Variants in FIRRM observed in about 807,000 individuals in gnomAD.
FIRRM encodes the protein FIGNL1-interacting regulator of recombination and mitosis.
At chr1:169,789,890 T>TAC in the FIRRM span, among the ~76,000 whole-genome samples, 1 of 152,210 alleles carries the variant, frequency 6.6e-6, no homozygotes, top group Non-Finnish European at 1.5e-5. Context: ...AATTTCCACT[T>TAC]ATACATAGGA....
At chr1:169,837,087 G>A in the FIRRM span, 2,911 of 1,587,474 alleles carry the variant, frequency 1.8e-3, 5 homozygotes, top group Non-Finnish European at 2.2e-3. Context: ...AGCAGGAGTC[G>A]TACTTTGGGA....
the FIRRM span, chr1:169,842,577 A>G: frequency 6.3e-7 from 1 of 1,598,106 alleles, no homozygotes; most frequent in Non-Finnish European, 8.5e-7. Flanking sequence ...ATCAAAAAAT[A>G]GAAAATATCA....
At chr1:169,829,427 A>T in the FIRRM span, 1 of 1,612,326 alleles carries the variant, frequency 6.2e-7, no homozygotes, top group South Asian at 1.1e-5. Context: ...ACTTCCTTTC[A>T]TCCCTCACTG....
the FIRRM span, among the ~76,000 whole-genome samples, chr1:169,833,016 T>C: frequency 6.6e-6 from 1 of 152,202 alleles, no homozygotes; most frequent in African/African-American, 2.4e-5. Context: ...CTTTGAGTTA[T>C]AGATAATTAT....
At chr1:169,830,999 A>T in the FIRRM span, among the ~76,000 whole-genome samples, 1 of 152,214 alleles carries the variant, frequency 6.6e-6, no homozygotes, top group Admixed American at 6.5e-5. Context: ...GGAAGGAAAG[A>T]CTGGGTTAAT....
chr1:169,797,785 G>A, the FIRRM span, among the ~76,000 whole-genome samples: 11 of 151,860 alleles, frequency 7.2e-5, no homozygotes, highest in Admixed American at 1.3e-4. Context: ...CTCGTGATCC[G>A]CCTGCCTCAG....
chr1:169,832,414 C>T, the FIRRM span: 11 of 1,604,036 alleles, frequency 6.9e-6, no homozygotes, highest in South Asian at 1.2e-4. Context: ...TGTCTTTTTC[C>T]AGATAAAGTC....
chr1:169,794,510 C>T, the FIRRM span: 2 of 153,934 alleles, frequency 1.3e-5, no homozygotes, highest in African/African-American at 4.8e-5. Context: ...TTGGAGAGAC[C>T]TGTAGAAATA....
chr1:169,798,124 C>T, the FIRRM span, among the ~76,000 whole-genome samples: 1 of 152,028 alleles, frequency 6.6e-6, no homozygotes, highest in Non-Finnish European at 1.5e-5. Context: ...TAATAGAAAT[C>T]GGAAGTACAA....
the FIRRM span, among the ~76,000 whole-genome samples, chr1:169,808,750 G>T: frequency 6.6e-6 from 1 of 152,008 alleles, no homozygotes; most frequent in South Asian, 2.1e-4. Context: ...GATTATAGGC[G>T]CCTGCCACCA....
the FIRRM span, among the ~76,000 whole-genome samples, chr1:169,847,150 A>G: frequency 6.6e-6 from 1 of 152,200 alleles, no homozygotes; most frequent in South Asian, 2.1e-4. Flanking sequence ...CAATGACAAT[A>G]GTAACATCAA....
the FIRRM span, among the ~76,000 whole-genome samples, chr1:169,844,226 C>T: frequency 6.6e-6 from 1 of 152,224 alleles, no homozygotes; most frequent in African/African-American, 2.4e-5. Context: ...TCTTTGGCCT[C>T]CAACTTACAT....
chr1:169,803,414 G>T, the FIRRM span: 1 of 1,107,982 alleles, frequency 9.0e-7, no homozygotes, highest in Admixed American at 2.9e-5. Context: ...CTATATTATT[G>T]AAATAAACTT....
At chr1:169,845,931 C>T in the FIRRM span, among the ~76,000 whole-genome samples, 112,896 of 152,090 alleles carry the variant, frequency 0.74, 42,647 homozygotes, top group Middle Eastern at 0.88. Flanking sequence ...CAGAAGGTTT[C>T]CAATTTACTT....
At chr1:169,843,149 A>G in the FIRRM span, among the ~76,000 whole-genome samples, 1 of 152,194 alleles carries the variant, frequency 6.6e-6, no homozygotes, top group African/African-American at 2.4e-5. Context: ...GAAATGATAG[A>G]TATGATTTTA....
the FIRRM span, among the ~76,000 whole-genome samples, chr1:169,831,750 T>G: frequency 2.0e-5 from 3 of 152,188 alleles, no homozygotes; most frequent in Non-Finnish European, 4.4e-5. Flanking sequence ...AAAATTTTTT[T>G]GTTAGTGGTG....
chr1:169,829,321 C>G, the FIRRM span: 2 of 1,613,476 alleles, frequency 1.2e-6, no homozygotes, highest in South Asian at 1.1e-5. Context: ...TGAACTCTCT[C>G]TACCTGTTCA....
At chr1:169,795,182 G>A in the FIRRM span, 23 of 1,536,080 alleles carry the variant, frequency 1.5e-5, no homozygotes, top group Non-Finnish European at 2.0e-5. Flanking sequence ...CTATGCCGCC[G>A]GGAACTGCCG....
the FIRRM span, among the ~76,000 whole-genome samples, chr1:169,848,950 G>C: frequency 9.8e-5 from 15 of 152,304 alleles, no homozygotes; most frequent in South Asian, 2.7e-3. Flanking sequence ...CGTTTTTGCT[G>C]TACCCAGTGC....
Sources: gnomAD v4.1 joint callset for allele counts (sites outside exome capture counted in the v4.1 genomes callset) on GRCh38, gnomAD v4.1.1 for gene constraint, MANE v1.5 for transcripts, NCBI Gene and HGNC (gene_info 2026-07-23, HGNC 2026-07-21) for gene names.